The following CACNA1S variants were observed in gnomAD, a reference collection of about 807,000 sequenced individuals.
CACNA1S encodes voltage-dependent L-type calcium channel subunit alpha-1S.
A neutral mutation model predicts 207.4 loss-of-function variants in CACNA1S; 126 were observed. That is an observed-to-expected ratio of 0.61 (90% CI 0.53 to 0.70). The LOEUF is 0.70. Ranked by LOEUF, CACNA1S falls within the 30% of genes least tolerant of loss-of-function variation. The probability of loss-of-function intolerance (pLI) is 0.00; values close to 1 mark genes in which losing one functional copy is unlikely to be tolerated. For missense variants in CACNA1S, 2,349 were observed against 2,422.8 expected (o/e 0.97, Z 0.64); for synonymous variants, 960 against 932.7 (o/e 1.03, Z -0.53).
rs1660614160 is a variant in CACNA1S, at chr1:201,050,516, C to A, written c.4114G>T (p.Val1372Phe). ...ISFYMLCAFL[V>F]INLFVAVIMD... ...ATGACAGCCACAAAGAGGTTGATGA[C>A]CTGCAAGAGAAGAACCAAGGGGTCC... Residue 1372 changes from valine (V) to phenylalanine (F), a missense_variant and splice_region_variant, in exon 34 of 44, where the codon GTC becomes TTC. Coordinates refer to ENST00000362061, the MANE Select transcript of CACNA1S (RefSeq NM_000069.3). 1 of 1,613,962 alleles carries A rather than the reference C, an allele frequency of 6.2e-7. No individual in the cohort carries two copies. The highest frequency in any genetic ancestry group is 8.5e-7 in the Non-Finnish European group (1 of 1,179,954).
At chr1:201,093,147 C>T (rs1397357391) in intron 3 of CACNA1S, among the ~76,000 whole-genome samples, 1 of 152,202 alleles carries the variant, frequency 6.6e-6, no homozygotes, top group African/African-American at 2.4e-5. Context: ...CTTCTAAATT[C>T]ATATGCTGAA....
rs1342290354 is a variant in CACNA1S, at chr1:201,072,901, C to T, written c.2158-77G>A. 14 of 1,064,230 alleles carry T rather than the reference C, an allele frequency of 1.3e-5. No homozygotes were observed. In the African/African-American group the frequency reaches 2.0e-4, roughly 15 times the overall value. 65.9% of individuals were successfully genotyped at this position (1,064,230 alleles called of 1,614,324 possible). On this transcript the variant is annotated intron_variant, in intron 15 of 43. Coordinates refer to ENST00000362061, the MANE Select transcript of CACNA1S (RefSeq NM_000069.3). ...CCCTCAATGAGCATATACTGGAGAG[C>T]CTGTTAGCGTTCAGCTCACTTAATC...
chr1:201,071,709 C>T (rs926668450), intron 16 of CACNA1S, among the ~76,000 whole-genome samples: 6 of 152,194 alleles, frequency 3.9e-5, no homozygotes, highest in Non-Finnish European at 8.8e-5. Flanking sequence ...CACCTGCACA[C>T]AAGTCACTGC....
In CACNA1S at chr1:201,089,330, G is replaced by T. The variant is rs1662144732; in HGVS notation, c.828C>A (p.Asp276Glu). ...PGPNHGITHF[D>E]NFGFSMLTVY... ...CGGTGAGCATGGAGAAGCCGAAGTT[G>T]TCGAAGTGGGTGATGCCATGGTTGG... is the stretch of plus-strand genomic sequence containing the variant. The change falls in exon 6 of 44, where the codon GAC becomes GAA. Residue 276 changes from aspartate to glutamate, a missense_variant. By Grantham distance (45) the Asp-to-Glu change is conservative. Transcript: ENST00000362061. 1.9e-6 allele frequency: 3 copies of T among 1,614,282 alleles called. No individual in the cohort carries two copies. The highest frequency in any genetic ancestry group is 1.1e-5 in the South Asian group (1 of 91,090).
rs1661047672 is a variant in CACNA1S at position 201,061,470 on chromosome 1, TG to T, written c.3054-3del. 6.2e-7 allele frequency: 1 copy of T among 1,613,168 alleles called. No homozygotes were observed. The highest frequency in any genetic ancestry group is 8.5e-7 in the Non-Finnish European group (1 of 1,179,302). On this transcript the variant is annotated splice_polypyrimidine_tract_variant and splice_region_variant and intron_variant, in intron 24 of 43. Coordinates refer to ENST00000362061, the MANE Select transcript of CACNA1S (RefSeq NM_000069.3). The stretch of plus-strand genomic sequence containing the variant: ...GAGTCTATGGCCTTGTACAGCAGCC[TG>T]GGGGTGGGCAGAGAAGAGAGGACAG...
Position 201,039,968 on chromosome 1 carries a change from C to T in CACNA1S, c.5485G>A (p.Ala1829Thr). The T allele has an allele frequency of 6.2e-7, 1 of 1,614,238 alleles. No individual in the cohort carries two copies. Among genetic ancestry groups the T allele is most frequent in the Non-Finnish European group, 8.5e-7 (1 of 1,180,036 alleles). Residue 1829 changes from alanine (A) to threonine (T), a missense_variant, in exon 44 of 44, where the codon GCA (alanine) becomes ACA (threonine). Physicochemically the swap from Ala to Thr is moderately conservative, Grantham distance 58 (BLOSUM62 0). Coordinates refer to ENST00000362061, the MANE Select transcript of CACNA1S (RefSeq NM_000069.3). ...TCTCGTCCTTTCAGTAGCTCTGTTG[C>T]CATGATCTCCACTTCCTCTGGTTCC... ...QMEPEEVEIM[A>T]TELLKGREAP...
At chr1:201,082,831 T>G (rs1321772833) in intron 10 of CACNA1S, among the ~76,000 whole-genome samples, 1 of 152,216 alleles carries the variant, frequency 6.6e-6, no homozygotes, top group Non-Finnish European at 1.5e-5. Context: ...ACTAGCAATT[T>G]TATGTCCAGT....
intron 19 of CACNA1S, among the ~76,000 whole-genome samples, chr1:201,068,592 G>A (rs537958887): frequency 3.3e-5 from 5 of 151,402 alleles, no homozygotes; most frequent in East Asian, 4.0e-4. Context: ...GCGAGAGTTC[G>A]CTGGGCGAGG....
At chr1:201,047,337 C>T in intron 37 of CACNA1S, 98 bp from the exon 38 acceptor site, 1 of 1,529,508 alleles carries the variant, frequency 6.5e-7, no homozygotes. Context: ...GGCATGCAAG[C>T]AATCCTTTGT....
chr1:201,106,572 A>G lies in CACNA1S; in HGVS notation c.258+3592T>C, dbSNP rs562296616. On this transcript the variant is annotated intron_variant, in intron 2 of 43. Coordinates refer to ENST00000362061, the MANE Select transcript of CACNA1S (RefSeq NM_000069.3). ...GTAGGAAATGAGTGCTGATGAAGGT[A>G]CTAAATATAAAGCTTTTCCCTTTCT... is the stretch of plus-strand genomic sequence containing the variant. Among the ~76,000 whole-genome samples the G allele has an allele frequency of 7.9e-5, 12 of 152,286 alleles. 1 individual carries two copies. In the South Asian group the frequency reaches 2.5e-3, roughly 32 times the overall value.
In CACNA1S at chr1:201,073,828, G is replaced by A. The variant is rs539669202; in HGVS notation, c.2064-186C>T. Among the ~76,000 whole-genome samples the A allele has an allele frequency of 1.3e-3, 194 of 152,270 alleles. 1 individual carries two copies. The highest frequency in any genetic ancestry group is 4.6e-3 in the African/African-American group (191 of 41,564). ...TCCCTTCTCTGTGGTGAGAGGGCCCGACACACAGCATGGGCCCATGGCTAC... is the reference window on the plus strand; with the variant it reads ...TCCCTTCTCTGTGGTGAGAGGGCCCAACACACAGCATGGGCCCATGGCTAC... On this transcript the variant is annotated intron_variant, in intron 14 of 43. Transcript: ENST00000362061.
intron 2 of CACNA1S, among the ~76,000 whole-genome samples, chr1:201,099,995 C>A (rs1329236268): frequency 2.0e-5 from 3 of 152,096 alleles, no homozygotes; most frequent in Admixed American, 2.0e-4. Flanking sequence ...CGATTCCTGC[C>A]TTAAGAAGGG....
At chr1:201,062,344 G>T (rs536021142) in intron 23 of CACNA1S, 118 bp downstream of exon 23, 4 of 1,106,088 alleles carry the variant, frequency 3.6e-6, no homozygotes, top group Non-Finnish European at 5.5e-6. Context: ...CCCTGTGATC[G>T]TCCTGCCACA....
intron 3 of CACNA1S, among the ~76,000 whole-genome samples, chr1:201,092,316 T>A (rs1461117963): frequency 6.6e-6 from 1 of 152,152 alleles, no homozygotes; most frequent in African/African-American, 2.4e-5. Context: ...TGACATCAAG[T>A]TCATACTCAG....
intron 5 of CACNA1S, among the ~76,000 whole-genome samples, chr1:201,089,956 A>T (rs3753960): frequency 6.6e-6 from 1 of 152,092 alleles, no homozygotes; most frequent in South Asian, 2.1e-4. Context: ...GGAAGTTCCC[A>T]CCAGGCCCGA....
intron 43 of CACNA1S, 74 bp from the exon 44 acceptor site, chr1:201,040,156 A>T: frequency 6.2e-7 from 1 of 1,611,656 alleles, no homozygotes; most frequent in Non-Finnish European, 8.5e-7. Context: ...TGTTGGCCCT[A>T]CCCTCTCTCC....
In CACNA1S at chr1:201,084,994, C is replaced by T. The variant is rs1318295253; in HGVS notation, c.1188G>A (p.Glu396=). Reference sequence around the variant, plus strand: ...TCAAGCCTGCAATTTCATACAGGCTCTCTGTGTCAGAGCCACCTTCATCCA... The same window carrying T: ...TCAAGCCTGCAATTTCATACAGGCTTTCTGTGTCAGAGCCACCTTCATCCA... ...LSLDEGGSDT[E]SLYEIAGLNK... The change falls in exon 9 of 44, where the codon GAG becomes GAA. Residue 396 remains glutamate, a synonymous_variant. Coordinates refer to ENST00000362061, the MANE Select transcript of CACNA1S (RefSeq NM_000069.3). 6.2e-7 allele frequency: 1 copy of T among 1,612,746 alleles called. No individual in the cohort carries two copies. Among genetic ancestry groups the T allele is most frequent in the Non-Finnish European group, 8.5e-7 (1 of 1,179,960 alleles).
At chr1:201,048,276 C>T (rs976924550) in intron 36 of CACNA1S, among the ~76,000 whole-genome samples, 4 of 152,244 alleles carry the variant, frequency 2.6e-5, no homozygotes, top group Admixed American at 2.6e-4. Context: ...ACCTCCTCTG[C>T]TCCTGCTCAC....
chr1:201,088,538 G>A (rs770830990), intron 6 of CACNA1S, among the ~76,000 whole-genome samples: 9 of 152,204 alleles, frequency 5.9e-5, no homozygotes, highest in Admixed American at 2.0e-4. Flanking sequence ...AATAGGCGGC[G>A]TCATATTGTG....
Sources: gnomAD v4.1 joint callset for allele counts (sites outside exome capture counted in the v4.1 genomes callset) on GRCh38, gnomAD v4.1.1 for gene constraint, MANE v1.5 for transcripts, NCBI Gene and HGNC (gene_info 2026-07-23, HGNC 2026-07-21) for gene names.